Variants in CEP112 observed in about 807,000 individuals in gnomAD.
CEP112 encodes centrosomal protein 112.
In CEP112, 127 loss-of-function variants were observed where a neutral mutation model predicts 153.0. The observed-to-expected ratio is 0.83, with a 90% CI of 0.72 to 0.96. CEP112 has a LOEUF of 0.96. CEP112 is among the 40% of genes least tolerant of loss of function. CEP112 has a pLI of 0.00. For missense variants in CEP112, 1,089 were observed against 1,101.2 expected (o/e 0.99, Z 0.16); for synonymous variants, 358 against 374.4 (o/e 0.96, Z 0.51).
chr17:65,852,326 T>C (rs1410748979), intron 20 of CEP112, among the ~76,000 whole-genome samples: 3 of 72,482 alleles, frequency 4.1e-5, no homozygotes, highest in African/African-American at 1.8e-4. Context: ...TTTCCTTCCC[T>C]TTCCTTCCCT....
chr17:66,106,060 TAAAG>T (rs902256845), intron 6 of CEP112, among the ~76,000 whole-genome samples: 4 of 151,280 alleles, frequency 2.6e-5, no homozygotes, highest in African/African-American at 9.7e-5. Context: ...CATGGGTCAA[TAAAG>T]AAATAAAGAA....
chr17:66,139,929 C>T (rs371477625), intron 4 of CEP112, among the ~76,000 whole-genome samples: 2 of 152,108 alleles, frequency 1.3e-5, no homozygotes, highest in South Asian at 4.1e-4. Flanking sequence ...ATTCATTTTA[C>T]AAAGCCAGCA....
intron 25 of CEP112, among the ~76,000 whole-genome samples, chr17:65,639,926 G>A (rs1431454414): frequency 2.8e-4 from 38 of 134,310 alleles, no homozygotes; most frequent in Non-Finnish European, 9.3e-5. Flanking sequence ...CAACCTCCGC[G>A]TCCCAAGTTC....
rs375401274 is a variant in CEP112 at position 65,700,100 on chromosome 17, TTCCTCC to T, written c.2608-10888_2608-10883del. Among the ~76,000 whole-genome samples, 56 of 151,254 alleles carry T rather than the reference TTCCTCC, an allele frequency of 3.7e-4. 2 individuals carry two copies. The highest frequency in any genetic ancestry group is 9.0e-4 in the African/African-American group (37 of 41,204). The stretch of plus-strand genomic sequence containing the variant: ...CACATGCTTTCTGCTCCTCCTCCTC[TTCCTCC>T]TCCTCCTCCTCCTCCTCTTCTCTCT... On this transcript the variant is annotated intron_variant, in intron 23 of 26. Transcript: ENST00000535342.
At chr17:65,855,555 A>G (rs535456524) in intron 20 of CEP112, among the ~76,000 whole-genome samples, 2 of 152,226 alleles carry the variant, frequency 1.3e-5, no homozygotes, top group South Asian at 4.2e-4. Flanking sequence ...TGGGGTTCAT[A>G]ATCTTGTCCT....
At chr17:66,065,236 C>T (rs1313580933) in intron 10 of CEP112, among the ~76,000 whole-genome samples, 1 of 152,204 alleles carries the variant, frequency 6.6e-6, no homozygotes, top group Non-Finnish European at 1.5e-5. Flanking sequence ...AGAAGCAGAA[C>T]ATCTCTGAGT....
At chr17:65,942,920 T>C (rs941382625) in intron 18 of CEP112, among the ~76,000 whole-genome samples, 4 of 152,210 alleles carry the variant, frequency 2.6e-5, no homozygotes, top group Admixed American at 1.3e-4. Context: ...AATTATGCAA[T>C]TATATATAAG....
At chr17:66,038,903 A>G (rs2065856164) in intron 12 of CEP112, among the ~76,000 whole-genome samples, 1 of 152,204 alleles carries the variant, frequency 6.6e-6, no homozygotes, top group African/African-American at 2.4e-5. Context: ...GACAGGGAAG[A>G]GTAATTGGCA....
rs534171591 is a variant in CEP112, at chr17:66,093,855, C to G, written c.768+2396G>C. On this transcript the variant is annotated intron_variant, in intron 8 of 26. Coordinates refer to ENST00000535342, the MANE Select transcript of CEP112 (RefSeq NM_001199165.4). ...AAATTTATATGAAACTAAAAAGACC[C>G]TGAGTATCCAAGGCAATTTTGAGCA... 6.6e-5 allele frequency among the ~76,000 whole-genome samples: 10 copies of G among 152,044 alleles called. No homozygotes were observed. In the South Asian group the frequency reaches 1.9e-3, roughly 28 times the overall value.
chr17:65,879,670 A>C (rs2058984908), intron 20 of CEP112, among the ~76,000 whole-genome samples: 1 of 152,170 alleles, frequency 6.6e-6, no homozygotes, highest in Admixed American at 6.5e-5. Flanking sequence ...AAGCAGTCTA[A>C]TTCATAAACT....
intron 4 of CEP112, among the ~76,000 whole-genome samples, chr17:66,145,060 A>G (rs2070865055): frequency 6.6e-6 from 1 of 152,186 alleles, no homozygotes; most frequent in African/African-American, 2.4e-5. Context: ...AATTTTAGCC[A>G]TTTATAAATT....
At chr17:65,879,603 G>A (rs551604214) in intron 20 of CEP112, among the ~76,000 whole-genome samples, 2 of 152,004 alleles carry the variant, frequency 1.3e-5, no homozygotes, top group East Asian at 3.9e-4. Context: ...AACTATGAAA[G>A]ATAAACAGAA....
intron 20 of CEP112, among the ~76,000 whole-genome samples, chr17:65,871,101 A>T (rs2058657305): frequency 6.6e-6 from 1 of 152,214 alleles, no homozygotes; most frequent in Non-Finnish European, 1.5e-5. Context: ...ACATTACTAA[A>T]GTATTCTAAA....
chr17:65,912,778 T>C (rs1330367374), intron 19 of CEP112, among the ~76,000 whole-genome samples: 4 of 152,188 alleles, frequency 2.6e-5, no homozygotes, highest in African/African-American at 7.2e-5. Flanking sequence ...AAGGGGCACA[T>C]TGCTTTAAAG....
chr17:65,710,553 A>G (rs375098110), intron 23 of CEP112, among the ~76,000 whole-genome samples: 2 of 152,272 alleles, frequency 1.3e-5, no homozygotes, highest in South Asian at 4.1e-4. Context: ...TCCTTGCCCT[A>G]AATGGTATGT....
intron 21 of CEP112, among the ~76,000 whole-genome samples, chr17:65,757,178 A>G (rs1169491069): frequency 6.6e-6 from 1 of 152,134 alleles, no homozygotes; most frequent in Non-Finnish European, 1.5e-5. Context: ...TAGCTTCCAG[A>G]GCTGTGAGAG....
At chr17:65,823,011 C>A (rs562510928) in intron 21 of CEP112, among the ~76,000 whole-genome samples, 1 of 152,050 alleles carries the variant, frequency 6.6e-6, no homozygotes, top group East Asian at 1.9e-4. Context: ...ATATGTGCAA[C>A]CTCTAGATGC....
At chr17:65,640,715 A>G (rs1354233701) in intron 25 of CEP112, among the ~76,000 whole-genome samples, 1 of 152,238 alleles carries the variant, frequency 6.6e-6, no homozygotes, top group Non-Finnish European at 1.5e-5. Context: ...TAGACTGTAA[A>G]TGAATTGAAG....
At chr17:65,721,005 CTCTCTT>C (rs1360543219) in intron 23 of CEP112, among the ~76,000 whole-genome samples, 14 of 140,904 alleles carry the variant, frequency 9.9e-5, no homozygotes, top group African/African-American at 3.4e-4. Context: ...CTCTCTCTCT[CTCTCTT>C]TTTTTTTTTT....
Sources: allele counts gnomAD v4.1 joint callset (sites outside exome capture counted in the v4.1 genomes callset), GRCh38; gene constraint gnomAD v4.1.1; transcripts MANE v1.5; gene names NCBI Gene and HGNC (gene_info 2026-07-23, HGNC 2026-07-21).